Variants in ASXL3 observed in about 807,000 individuals in gnomAD.
The protein encoded by ASXL3 is ASXL transcriptional regulator 3.
A neutral mutation model predicts 170.6 loss-of-function variants in ASXL3; 34 were observed. The ratio of observed to expected loss-of-function variants is 0.20; its 90% CI spans 0.15 to 0.27. The LOEUF (loss-of-function observed/expected upper bound fraction) is 0.27. Among genes scored for constraint, ASXL3 ranks in the 10% least tolerant of loss-of-function variants. The probability of loss-of-function intolerance (pLI) is 1.00; values close to 1 mark genes in which losing one functional copy is unlikely to be tolerated. For missense variants in ASXL3, 2,592 were observed against 2,695.3 expected, an observed-to-expected ratio of 0.96 and a Z score of 0.85; for synonymous variants, 1,002 against 989.1, an observed-to-expected ratio of 1.01 and a Z score of -0.24.
intron 8 of ASXL3, among the ~76,000 whole-genome samples, chr18:33,687,353 G>A (rs2066613378): frequency 6.6e-6 from 1 of 152,166 alleles, no homozygotes; most frequent in African/African-American, 2.4e-5. Flanking sequence ...CATAATGAGT[G>A]GAGATGGCAT....
At chr18:33,675,569 C>T (rs185599780) in intron 7 of ASXL3, among the ~76,000 whole-genome samples, 51 of 152,276 alleles carry the variant, frequency 3.3e-4, no homozygotes, top group Admixed American at 3.3e-3. Flanking sequence ...TGTTAGTCTA[C>T]AATTTTTTTC....
chr18:33,692,405 C>G (rs988453775), intron 8 of ASXL3, among the ~76,000 whole-genome samples: 1 of 152,098 alleles, frequency 6.6e-6, no homozygotes, highest in East Asian at 1.9e-4. Context: ...AAACCCAAGC[C>G]TTTTCTGTGT....
intron 2 of ASXL3, among the ~76,000 whole-genome samples, chr18:33,619,519 C>T (rs577422772): frequency 6.6e-6 from 1 of 151,390 alleles, no homozygotes; most frequent in African/African-American, 2.4e-5. Context: ...TTTTGCTTGT[C>T]CAACATGAGG....
rs144948430 is a variant in ASXL3 at position 33,667,347 on chromosome 18, T to G, written c.478-3326T>G. 6.8e-3 allele frequency among the ~76,000 whole-genome samples: 1,031 copies of G among 152,252 alleles called. 6 individuals are homozygous for G. The highest frequency in any genetic ancestry group is 0.011 in the Non-Finnish European group (729 of 68,002). On this transcript the variant is annotated intron_variant, in intron 5 of 11. Transcript: ENST00000269197. ...CCAGTGAAATTTCTGATTTGAGACC[T>G]AGGCATGGTCTGGGGAGGCTAGAAG...
At chr18:33,588,701 G>T (rs2065053816) in intron 1 of ASXL3, among the ~76,000 whole-genome samples, 3 of 152,120 alleles carry the variant, frequency 2.0e-5, no homozygotes, top group Non-Finnish European at 2.9e-5. Flanking sequence ...TACCTTAGGT[G>T]CCAGAGAGCG....
chr18:33,713,054 C>T (rs1266724941), intron 8 of ASXL3, among the ~76,000 whole-genome samples: 3 of 151,852 alleles, frequency 2.0e-5, no homozygotes, highest in South Asian at 2.1e-4. Context: ...CACGTGCTCA[C>T]GTTCCTTTGT....
intron 8 of ASXL3, among the ~76,000 whole-genome samples, chr18:33,685,235 AG>A (rs1250907617): frequency 1.2e-4 from 19 of 152,186 alleles, no homozygotes. Context: ...AGGCACAATG[AG>A]GGTTTGATTT....
chr18:33,640,934 A>C (rs188365467), intron 2 of ASXL3, among the ~76,000 whole-genome samples: 1 of 152,186 alleles, frequency 6.6e-6, no homozygotes. Flanking sequence ...TGTTAGCAGG[A>C]AATAGATTAC....
intron 5 of ASXL3, among the ~76,000 whole-genome samples, chr18:33,661,973 T>C (rs1419740117): frequency 3.3e-5 from 5 of 152,176 alleles, no homozygotes; most frequent in African/African-American, 1.2e-4. Flanking sequence ...ACTGAAAATA[T>C]GTAAAAATTT....
intron 1 of ASXL3, among the ~76,000 whole-genome samples, chr18:33,581,709 A>T (rs2064993871): frequency 6.6e-6 from 1 of 152,198 alleles, no homozygotes; most frequent in South Asian, 2.1e-4. Context: ...TATGGTCTCC[A>T]AATTTGTAAA....
rs1403104099 is a variant in ASXL3, at chr18:33,739,855, C to T, written c.2451C>T (p.Ser817=). ...AACCCATCATAATGAGTTCTTCTTC[C>T]ATTGCTCCTGAAGCATTTCCGTCTG... ...TPEPIIMSSS[S]IAPEAFPSED... is the part of the protein sequence containing the mutation. The change falls in exon 11 of 12, where the codon TCC becomes TCT. Residue 817 remains serine, a synonymous_variant. Coordinates refer to ENST00000269197, the MANE Select transcript of ASXL3 (RefSeq NM_030632.3). The T allele has an allele frequency of 1.2e-6, 2 of 1,613,766 alleles. No homozygotes were observed. The highest frequency in any genetic ancestry group is 2.7e-5 in the African/African-American group (2 of 74,896).
chr18:33,668,279 T>C (rs913966393), intron 5 of ASXL3, among the ~76,000 whole-genome samples: 1 of 151,960 alleles, frequency 6.6e-6, no homozygotes, highest in African/African-American at 2.4e-5. Context: ...CAAAAAAATA[T>C]TAGCCAGGGG....
chr18:33,693,128 A>G (rs1261860564), intron 8 of ASXL3, among the ~76,000 whole-genome samples: 2 of 152,186 alleles, frequency 1.3e-5, no homozygotes, highest in Non-Finnish European at 2.9e-5. Context: ...AATTCAGTCC[A>G]TATTGAACAT....
intron 8 of ASXL3, among the ~76,000 whole-genome samples, chr18:33,721,235 T>C (rs1312939333): frequency 6.6e-6 from 1 of 152,088 alleles, no homozygotes; most frequent in African/African-American, 2.4e-5. Context: ...TTTGGAAATT[T>C]AGACAGGTCA....
At chr18:33,678,481 C>T (rs879625103) in intron 7 of ASXL3, among the ~76,000 whole-genome samples, 2 of 152,214 alleles carry the variant, frequency 1.3e-5, no homozygotes, top group Non-Finnish European at 2.9e-5. Flanking sequence ...GAGCCTGCAA[C>T]TTTCACAAAT....
intron 7 of ASXL3, among the ~76,000 whole-genome samples, chr18:33,682,788 G>A (rs868271691): frequency 6.6e-6 from 1 of 152,126 alleles, no homozygotes; most frequent in African/African-American, 2.4e-5. Context: ...CTGAGGTCAA[G>A]CAGTCCTTCT....
chr18:33,603,376 C>G (rs1333380950), intron 1 of ASXL3, among the ~76,000 whole-genome samples: 1 of 151,994 alleles, frequency 6.6e-6, no homozygotes, highest in Non-Finnish European at 1.5e-5. Flanking sequence ...CAAATCATCT[C>G]TCTTTCCTTT....
At chr18:33,683,140 C>A (rs557997482) in intron 7 of ASXL3, among the ~76,000 whole-genome samples, 11 of 152,010 alleles carry the variant, frequency 7.2e-5, no homozygotes, top group Non-Finnish European at 4.4e-5. Flanking sequence ...TTTATTGGAA[C>A]CTGGTGCTAC....
rs1255042185 is a variant in ASXL3, at chr18:33,739,943, C to T, written c.2539C>T (p.Pro847Ser). The T allele has an allele frequency of 1.2e-6, 2 of 1,613,890 alleles. No homozygotes were observed. The highest frequency in any genetic ancestry group is 4.5e-5 in the East Asian group (2 of 44,874). ...TCKSHVDTEK[P>S]YPASIPELAS... The stretch of plus-strand genomic sequence containing the variant: ...TAAATCACATGTTGACACTGAGAAG[C>T]CCTACCCTGCTTCAATTCCAGAACT... Residue 847 changes from proline to serine, a missense_variant, in exon 11 of 12, where the codon CCC becomes TCC. By Grantham distance (74) the Pro-to-Ser change is moderately conservative. Transcript: ENST00000269197.
Sources: gnomAD v4.1 joint callset for allele counts (sites outside exome capture counted in the v4.1 genomes callset) on GRCh38, gnomAD v4.1.1 for gene constraint, MANE v1.5 for transcripts, NCBI Gene and HGNC (gene_info 2026-07-23, HGNC 2026-07-21) for gene names.